AHRR: variants seen among roughly 807,000 people sequenced by gnomAD.
AHRR encodes the protein aryl hydrocarbon receptor repressor.
In AHRR, 28 loss-of-function variants were observed where a neutral mutation model predicts 44.0. That is an observed-to-expected ratio of 0.64 (90% CI 0.47 to 0.87). The LOEUF is 0.87. Ranked by LOEUF, AHRR falls within the 40% of genes least tolerant of loss-of-function variation. The probability of loss-of-function intolerance (pLI) is 0.00; values close to 1 mark genes in which losing one functional copy is unlikely to be tolerated. For synonymous variants in AHRR, 434 were observed against 407.0 expected (o/e 1.07, Z -0.80); for missense variants, 990 against 953.9 (o/e 1.04, Z -0.50).
At chr5:360,690 C>T (rs1406874982) in intron 3 of AHRR, among the ~76,000 whole-genome samples, 5 of 152,118 alleles carry the variant, frequency 3.3e-5, no homozygotes, top group South Asian at 4.2e-4. Context: ...GGAATGTGCC[C>T]GTGGAACGCG....
chr5:431,744 G>A (rs746697848), intron 8 of AHRR, among the ~76,000 whole-genome samples: 3 of 152,142 alleles, frequency 2.0e-5, no homozygotes, highest in East Asian at 1.9e-4. Context: ...TCCTCTGCTC[G>A]CCATAATTCA....
intron 4 of AHRR, among the ~76,000 whole-genome samples, chr5:394,931 C>CGGTGCG (rs1182866821): frequency 7.9e-5 from 12 of 152,212 alleles, no homozygotes; most frequent in Non-Finnish European, 1.0e-4. Context: ...CTGGAGCTGG[C>CGGTGCG]GGTGCGGCCG....
At chr5:340,688 A>ATATATATATATTTTTTTTTTTT (rs1269938749) in intron 1 of AHRR, among the ~76,000 whole-genome samples, 1 of 12,916 alleles carries the variant, frequency 7.7e-5, no homozygotes, top group Non-Finnish European at 1.3e-4. Context: ...ATATATATAT[A>ATATATATATATTTTTTTTTTTT]TTTTTTTTTT....
In AHRR at chr5:383,919, T is replaced by C. The variant is rs948027771; in HGVS notation, c.351+7203T>C. Among the ~76,000 whole-genome samples, 6 of 152,200 alleles carry C rather than the reference T, an allele frequency of 3.9e-5. No individual in the cohort carries two copies. The highest frequency in any genetic ancestry group is 1.4e-4 in the African/African-American group (6 of 41,452). ...GGAATATCTTACTCCATCTTTTTAC[T>C]TTTAATCAATTTATGTCATTATATT... On this transcript the variant is annotated intron_variant, in intron 4 of 10. Coordinates refer to ENST00000684583, the MANE Select transcript of AHRR (RefSeq NM_001377236.1). This position sits in a 1 kb window ranked among gnomAD's most constrained non-coding sequence, Gnocchi z 4.0.
intron 4 of AHRR, among the ~76,000 whole-genome samples, chr5:386,535 C>T (rs573419189): frequency 6.6e-6 from 1 of 152,354 alleles, no homozygotes; most frequent in Admixed American, 6.5e-5. Flanking sequence ...GGCCTTGGCC[C>T]TGAGCCAAGG....
Position 406,141 on chromosome 5 carries a change from C to G in AHRR, c.352-7203C>G, listed in dbSNP as rs1660561219. ...AAGGAAAGGCATTGTCCGGAAGAAG[C>G]CTCTTGCAGTGTGGATGGGAACCTG... On this transcript the variant is annotated intron_variant, in intron 4 of 10. Coordinates refer to ENST00000684583, the MANE Select transcript of AHRR (RefSeq NM_001377236.1). The surrounding 1 kb of genome is among the most constrained non-coding windows in gnomAD (Gnocchi z 4.7). 6.6e-6 allele frequency among the ~76,000 whole-genome samples: 1 copy of G among 152,236 alleles called. No individual in the cohort carries two copies. Among genetic ancestry groups the G allele is most frequent in the Non-Finnish European group, 1.5e-5 (1 of 68,032 alleles).
chr5:341,031 T>C (rs1742331948), intron 1 of AHRR, among the ~76,000 whole-genome samples: 1 of 150,336 alleles, frequency 6.7e-6, no homozygotes, highest in Non-Finnish European at 1.5e-5. Flanking sequence ...TTTTCTTTTT[T>C]TTAGGCCAAA....
rs1384073540 is a variant in AHRR at position 387,374 on chromosome 5, A to T, written c.351+10658A>T. ...GTTCTGTGCAAACAGGCTTGCTGCC[A>T]GGACAAAGTGGTGAGAGAAAGGGAG... On this transcript the variant is annotated intron_variant, in intron 4 of 10. Transcript: ENST00000684583. This position sits in a 1 kb window ranked among gnomAD's most constrained non-coding sequence, Gnocchi z 5.1. Among the ~76,000 whole-genome samples, 1 of 152,262 alleles carries T rather than the reference A, an allele frequency of 6.6e-6. No individual in the cohort carries two copies. Among genetic ancestry groups the T allele is most frequent in the African/African-American group, 2.4e-5 (1 of 41,470 alleles).
At chr5:397,615 C>T (rs1206303534) in intron 4 of AHRR, among the ~76,000 whole-genome samples, 3 of 69,896 alleles carry the variant, frequency 4.3e-5, no homozygotes, top group African/African-American at 1.9e-4. Flanking sequence ...TAGCTCCTGA[C>T]CATCCATGTT....
In AHRR at chr5:438,070, C is replaced by T. The variant is rs1446712782; in HGVS notation, c.*3236C>T. The T allele has an allele frequency of 1.3e-5, 2 of 152,318 alleles. No individual in the cohort carries two copies. The highest frequency in any genetic ancestry group is 4.8e-5 in the African/African-American group (2 of 41,444). 9.4% of individuals were successfully genotyped at this position (152,318 alleles called of 1,614,324 possible). A position where few individuals can be genotyped will look rare whatever the true frequency, so the allele number is the denominator to read the frequency against. On this transcript the variant is annotated 3_prime_UTR_variant, in exon 11 of 11. Coordinates refer to ENST00000684583, the MANE Select transcript of AHRR (RefSeq NM_001377236.1). ...TGGGATGGAAGGGAGGAGATCAATA[C>T]AACTTATATTTTTGCAGTTTCTACT...
chr5:434,834 G>A lies in AHRR; in HGVS notation c.2094G>A (p.Ter698=), dbSNP rs757326139. ...PQASGCTFLP[*] is the part of the protein sequence containing the mutation. ...CTTCGGGGTGCACATTCCTGCCATA[G>A]CGCAGTGACCACCATCCAAGCTCAG... Residue 698 remains the stop codon, a stop_retained_variant, in exon 11 of 11, where the codon TAG becomes TAA. Transcript: ENST00000684583. The A allele has an allele frequency of 1.9e-6, 3 of 1,541,914 alleles. No homozygotes were observed. The African/African-American group carries it at 4.1e-5, about 21-fold the overall frequency.
chr5:343,621 C>G, intron 1 of AHRR: 1 of 461,282 alleles, frequency 2.2e-6, no homozygotes, highest in Non-Finnish European at 3.8e-6. Flanking sequence ...GAGCCAGGCT[C>G]CAGAGCAGGC....
chr5:333,447 T>G (rs1193288895), intron 1 of AHRR, among the ~76,000 whole-genome samples: 1 of 152,038 alleles, frequency 6.6e-6, no homozygotes, highest in Non-Finnish European at 1.5e-5. Context: ...AATACAAAAA[T>G]TAGCCAGGAG....
intron 4 of AHRR, among the ~76,000 whole-genome samples, chr5:380,038 G>GT (rs950143703): frequency 6.6e-6 from 1 of 152,134 alleles, no homozygotes; most frequent in Non-Finnish European, 1.5e-5. Context: ...AAGATTTATT[G>GT]TTTTTGCATG....
At chr5:379,425 T>A (rs1733889030) in intron 4 of AHRR, among the ~76,000 whole-genome samples, 1 of 152,236 alleles carries the variant, frequency 6.6e-6, no homozygotes, top group Non-Finnish European at 1.5e-5. Flanking sequence ...GCGTAGGTCT[T>A]CGTTTCATGA....
intron 1 of AHRR, chr5:343,567 G>A (rs1579600419): frequency 1.9e-5 from 7 of 360,388 alleles, no homozygotes; most frequent in East Asian, 1.2e-4. Flanking sequence ...TGGCTTCCTC[G>A]ATGGCTTCCT....
chr5:391,471 CGGGG>C (rs1560904378), intron 4 of AHRR, among the ~76,000 whole-genome samples: 25 of 80,978 alleles, frequency 3.1e-4, no homozygotes, highest in Middle Eastern at 6.8e-3. Context: ...AGAGCGTGCA[CGGGG>C]GCAGGGCGAG....
intron 3 of AHRR, among the ~76,000 whole-genome samples, chr5:369,559 C>T (rs909675409): frequency 1.3e-5 from 2 of 152,236 alleles, no homozygotes; most frequent in South Asian, 2.1e-4. Context: ...TCACTTGCTT[C>T]GCTCTGAGTC....
intron 2 of AHRR, 74 bp from the exon 3 acceptor site, chr5:353,656 A>G (rs1579615435): frequency 9.1e-6 from 13 of 1,431,014 alleles, no homozygotes; most frequent in Admixed American, 2.0e-5. Context: ...GTCACTGCAG[A>G]GGACGGTTTC....
Sources: gnomAD v4.1 joint callset for allele counts (sites outside exome capture counted in the v4.1 genomes callset) on GRCh38, gnomAD v4.1.1 for gene constraint, Gnocchi (gnomAD v3.1) non-coding constraint, MANE v1.5 for transcripts, NCBI Gene and HGNC (gene_info 2026-07-23, HGNC 2026-07-21) for gene names.